Variants in SNX24 observed in about 807,000 individuals in gnomAD.
SNX24 encodes sorting nexin-24.
In SNX24, 22 loss-of-function variants were observed where a neutral mutation model predicts 28.7. That is an observed-to-expected ratio of 0.77 (90% CI 0.55 to 1.10). The LOEUF (loss-of-function observed/expected upper bound fraction) is 1.10, where lower values mean the gene tolerates loss of function less well. SNX24 is among the 50% of genes least tolerant of loss of function. SNX24 has a pLI of 0.00. For missense variants in SNX24, 221 were observed against 201.1 expected (o/e 1.10, Z -0.60); for synonymous variants, 69 against 71.5 (o/e 0.96, Z 0.18).
chr5:122,993,057 C>T (rs376849089), intron 3 of SNX24, among the ~76,000 whole-genome samples: 2 of 151,354 alleles, frequency 1.3e-5, no homozygotes, highest in African/African-American at 2.4e-5. Context: ...CGGCATTCAG[C>T]GTTTAGTGCA....
At chr5:122,924,781 C>T (rs1176314493) in intron 1 of SNX24, among the ~76,000 whole-genome samples, 1 of 152,068 alleles carries the variant, frequency 6.6e-6, no homozygotes, top group Non-Finnish European at 1.5e-5. Context: ...GAAACTAAGG[C>T]TCAGAGTTGA....
chr5:122,866,633 G>A (rs1036807611), intron 1 of SNX24, among the ~76,000 whole-genome samples: 1 of 152,000 alleles, frequency 6.6e-6, no homozygotes, highest in African/African-American at 2.4e-5. Context: ...TAATTACAGG[G>A]TACAGTAATA....
At chr5:123,006,282 C>T (rs1004228971) in intron 6 of SNX24, among the ~76,000 whole-genome samples, 19 of 152,170 alleles carry the variant, frequency 1.2e-4, no homozygotes, top group African/African-American at 4.6e-4. Flanking sequence ...TGGGTCTTCT[C>T]CCACCACCCT....
At chr5:123,019,791 G>A (rs1333233120) in intron 5 of SNX24, among the ~76,000 whole-genome samples, 2 of 152,202 alleles carry the variant, frequency 1.3e-5, no homozygotes, top group East Asian at 3.8e-4. Context: ...CTGCAAAACA[G>A]TGAACTATTT....
chr5:122,848,933 C>A (rs1193051425), intron 1 of SNX24, among the ~76,000 whole-genome samples: 3 of 152,040 alleles, frequency 2.0e-5, no homozygotes, highest in Non-Finnish European at 4.4e-5. Context: ...GTATAGCTGT[C>A]ATCTTACAAT....
At chr5:122,904,837 G>T (rs944948152) in intron 1 of SNX24, among the ~76,000 whole-genome samples, 1 of 152,092 alleles carries the variant, frequency 6.6e-6, no homozygotes, top group Admixed American at 6.6e-5. Flanking sequence ...GAGTTTAACT[G>T]GGAAAAAAAT....
chr5:122,997,743 T>C (rs1053401548), intron 3 of SNX24, among the ~76,000 whole-genome samples: 1 of 152,228 alleles, frequency 6.6e-6, no homozygotes, highest in African/African-American at 2.4e-5. Context: ...ACACTTGTTA[T>C]TGATTTAATT....
downstream of SNX24, among the ~76,000 whole-genome samples, chr5:123,013,154 A>G (rs568254950): frequency 1.3e-5 from 2 of 152,348 alleles, no homozygotes; most frequent in South Asian, 2.1e-4. Flanking sequence ...TAGATGCACT[A>G]TACATAATTG....
At chr5:122,896,073 G>C (rs753986832) in intron 1 of SNX24, among the ~76,000 whole-genome samples, 2 of 152,262 alleles carry the variant, frequency 1.3e-5, no homozygotes, top group Admixed American at 6.5e-5. Flanking sequence ...CACTTGAACT[G>C]GGGGGCAGAG....
At chr5:122,941,799 G>A (rs901848689) in intron 2 of SNX24, among the ~76,000 whole-genome samples, 1 of 152,180 alleles carries the variant, frequency 6.6e-6, no homozygotes, top group African/African-American at 2.4e-5. Flanking sequence ...TTTCTACTGT[G>A]GGAGTTTGCA....
At chr5:122,987,224 T>C (rs971167258) in intron 3 of SNX24, among the ~76,000 whole-genome samples, 3 of 152,080 alleles carry the variant, frequency 2.0e-5, no homozygotes, top group Non-Finnish European at 4.4e-5. Flanking sequence ...GGGTAAAGGC[T>C]GATTCTTCTA....
rs1762800207 is a variant in SNX24 at position 123,023,756 on chromosome 5, G to C, written n.384-5482G>C. The C allele has an allele frequency of 7.3e-7, 1 of 1,370,482 alleles. No individual in the cohort carries two copies. The highest frequency in any genetic ancestry group is 1.5e-5 in the African/African-American group (1 of 65,290). 84.9% of individuals were successfully genotyped at this position (1,370,482 alleles called of 1,614,324 possible). The stretch of plus-strand genomic sequence containing the variant: ...TATAACTTTCCTGTGATCTGGGATA[G>C]AATACAAAAAGAAAGTAAAAAAAAA... On this transcript the variant is annotated intron_variant and non_coding_transcript_variant, in intron 5 of 5. Coordinates refer to the SNX24 transcript ENST00000502387.
chr5:123,012,788 C>G (rs1762613846), downstream of SNX24, among the ~76,000 whole-genome samples: 1 of 152,166 alleles, frequency 6.6e-6, no homozygotes, highest in African/African-American at 2.4e-5. Flanking sequence ...ATACCAGTTA[C>G]TAGTCTCACA....
chr5:122,904,190 C>CT (rs977722871), intron 1 of SNX24, among the ~76,000 whole-genome samples: 6 of 147,856 alleles, frequency 4.1e-5, no homozygotes, highest in Non-Finnish European at 4.5e-5. Context: ...TTTTTGTTTT[C>CT]TTTTTTTTTG....
intron 1 of SNX24, among the ~76,000 whole-genome samples, chr5:122,907,361 T>C (rs1400874806): frequency 1.3e-5 from 2 of 151,970 alleles, no homozygotes; most frequent in Non-Finnish European, 2.9e-5. Context: ...GTGAAGGTAG[T>C]GTGGGAATTT....
intron 3 of SNX24, among the ~76,000 whole-genome samples, chr5:122,984,502 T>C (rs1254137008): frequency 1.3e-5 from 2 of 152,212 alleles, no homozygotes; most frequent in East Asian, 1.9e-4. Context: ...ATCTGCTGTT[T>C]AATGTAATTA....
intron 4 of SNX24, 131 bp from the exon 5 acceptor site, chr5:123,001,274 C>T (rs1762234854): frequency 2.9e-6 from 2 of 679,402 alleles, no homozygotes; most frequent in African/African-American, 3.6e-5. Context: ...TCAGTGGAAA[C>T]TCACAGCTCT....
At chr5:122,852,245 G>C (rs189027851) in intron 1 of SNX24, among the ~76,000 whole-genome samples, 1 of 151,894 alleles carries the variant, frequency 6.6e-6, no homozygotes, top group East Asian at 1.9e-4. Flanking sequence ...AACATGTGCC[G>C]TGGTGGTTTG....
intron 6 of SNX24, among the ~76,000 whole-genome samples, chr5:123,002,687 G>A (rs1359663791): frequency 6.6e-6 from 1 of 152,184 alleles, no homozygotes; most frequent in Non-Finnish European, 1.5e-5. Context: ...ATCTTTGATG[G>A]CAAACTATAT....
Sources: allele counts gnomAD v4.1 joint callset (sites outside exome capture counted in the v4.1 genomes callset), GRCh38; gene constraint gnomAD v4.1.1; transcripts MANE v1.5; gene names NCBI Gene and HGNC (gene_info 2026-07-23, HGNC 2026-07-21).